The following TRIO variants were observed in gnomAD, a reference collection of about 807,000 sequenced individuals.
TRIO encodes trio Rho guanine nucleotide exchange factor, also known as triple functional domain protein.
In TRIO, 58 loss-of-function variants were observed where a neutral mutation model predicts 351.9. That is an observed-to-expected ratio of 0.16 (90% CI 0.13 to 0.21). The LOEUF (loss-of-function observed/expected upper bound fraction) is 0.21, where lower values mean the gene tolerates loss of function less well. Among genes scored for constraint, TRIO ranks in the 10% least tolerant of loss-of-function variants. The pLI is 1.00. For missense variants in TRIO, 3,201 were observed against 4,027.8 expected, an observed-to-expected ratio of 0.79 and a Z score of 5.56; for synonymous variants, 1,758 against 1,595.7, an observed-to-expected ratio of 1.10 and a Z score of -2.42.
At chr5:14,201,504 G>A (rs1248340727) in intron 1 of TRIO, among the ~76,000 whole-genome samples, 2 of 152,124 alleles carry the variant, frequency 1.3e-5, no homozygotes, top group East Asian at 1.9e-4. Flanking sequence ...ATATCCTGTG[G>A]TTTTAAGAGC....
intron 34 of TRIO, 184 bp downstream of exon 34, chr5:14,420,205 C>T: frequency 1.1e-6 from 1 of 871,332 alleles, no homozygotes; most frequent in African/African-American, 1.7e-5. Flanking sequence ...ATGAGGATTT[C>T]ACCCACGACT....
At chr5:14,277,283 G>T (rs1476717883) in intron 2 of TRIO, among the ~76,000 whole-genome samples, 1 of 152,174 alleles carries the variant, frequency 6.6e-6, no homozygotes, top group Admixed American at 6.5e-5. Flanking sequence ...GAGGATGCAG[G>T]TTTATGTGAA....
intron 9 of TRIO, among the ~76,000 whole-genome samples, chr5:14,319,194 A>T (rs1463138148): frequency 6.6e-6 from 1 of 152,240 alleles, no homozygotes; most frequent in Non-Finnish European, 1.5e-5. Context: ...TGCAATACAC[A>T]TAATGCATAT....
chr5:14,277,062 G>A (rs1735584737), intron 2 of TRIO, among the ~76,000 whole-genome samples: 1 of 152,164 alleles, frequency 6.6e-6, no homozygotes, highest in Non-Finnish European at 1.5e-5. Flanking sequence ...AATGTTGTGT[G>A]GAATATGGAA....
At chr5:14,293,824 A>T (rs1737114545) in intron 6 of TRIO, among the ~76,000 whole-genome samples, 2 of 152,186 alleles carry the variant, frequency 1.3e-5, no homozygotes, top group African/African-American at 4.8e-5. Flanking sequence ...TGTATGTTCT[A>T]TAGGACATTT....
At chr5:14,304,618 G>A (rs748211102) in intron 8 of TRIO, 26 bp downstream of exon 8, 2 of 1,596,420 alleles carry the variant, frequency 1.3e-6, no homozygotes, top group Non-Finnish European at 1.7e-6. Context: ...TACTTACATT[G>A]CAAAGCAGCA....
At chr5:14,472,525 G>C in intron 38 of TRIO, 67 bp from the exon 39 acceptor site, 17 of 1,561,130 alleles carry the variant, frequency 1.1e-5, no homozygotes, top group Non-Finnish European at 1.5e-5. Context: ...TCTTGACCAG[G>C]AGCAAAGGTA....
chr5:14,145,813 G>A (rs1425089639), intron 1 of TRIO, among the ~76,000 whole-genome samples: 2 of 152,136 alleles, frequency 1.3e-5, no homozygotes, highest in Non-Finnish European at 2.9e-5. Context: ...CTGCCTGTTG[G>A]CGTGGCTCTC....
chr5:14,374,367 G>C (rs1266865949), intron 19 of TRIO, 24 bp downstream of exon 19: 1 of 1,598,964 alleles, frequency 6.3e-7, no homozygotes, highest in Admixed American at 1.7e-5. Flanking sequence ...GGAGTCTCCA[G>C]GGGTGGCCCA....
At chr5:14,271,449 T>C (rs553813912) in intron 2 of TRIO, among the ~76,000 whole-genome samples, 25 of 152,320 alleles carry the variant, frequency 1.6e-4, no homozygotes, top group African/African-American at 5.8e-4. Context: ...ACCCAGTCTT[T>C]GAGGCCCTGG....
Position 14,507,944 on chromosome 5 carries a change from A to T in TRIO, c.8816A>T (p.Asp2939Val). The change falls in exon 57 of 57, where the codon GAT becomes GTT. Residue 2939 changes from aspartate to valine, a missense_variant. This residue lies in a region of TRIO where 233 missense variants were observed against 292.6 expected (regional missense o/e 0.80). Coordinates refer to ENST00000344204, the MANE Select transcript of TRIO (RefSeq NM_007118.4). ...ACCATCAAACTGGCTGACTTTGGAG[A>T]TGCTGTTCAGCTCAACACGACCTAC... The part of the protein sequence containing the change: ...KPTIKLADFG[D>V]AVQLNTTYYI... 6.2e-7 allele frequency: 1 copy of T among 1,614,156 alleles called. No individual in the cohort carries two copies. Among genetic ancestry groups the T allele is most frequent in the South Asian group, 1.1e-5 (1 of 91,086 alleles).
intron 1 of TRIO, among the ~76,000 whole-genome samples, chr5:14,263,848 C>G (rs1284388805): frequency 6.6e-6 from 1 of 152,180 alleles, no homozygotes; most frequent in African/African-American, 2.4e-5. Flanking sequence ...TTTACAGGGA[C>G]ATGCACAGAC....
At chr5:14,381,990 G>T (rs567794488) in intron 21 of TRIO, among the ~76,000 whole-genome samples, 64 of 152,228 alleles carry the variant, frequency 4.2e-4, no homozygotes, top group Non-Finnish European at 6.3e-4. Context: ...CAGTTTTGAG[G>T]CTCTTTTCAA....
chr5:14,329,976 G>A (rs1040594600), intron 9 of TRIO, among the ~76,000 whole-genome samples: 1 of 152,130 alleles, frequency 6.6e-6, no homozygotes, highest in African/African-American at 2.4e-5. Flanking sequence ...ACGGAGAGCC[G>A]ACTGTACTTA....
rs375855834 is a variant in TRIO at position 14,321,684 on chromosome 5, G to A, written c.1731+4941G>A. Among the ~76,000 whole-genome samples the A allele has an allele frequency of 4.6e-5, 7 of 152,282 alleles. No individual in the cohort carries two copies. The East Asian group carries it at 7.7e-4, about 17-fold the overall frequency. On this transcript the variant is annotated intron_variant, in intron 9 of 56. Transcript: ENST00000344204. Reference sequence around the variant, plus strand: ...AACCTGGTTAGGTTCCCTTGTGGACGCCTGATATGGTTTGGCTGTGACCCC... The same window carrying A: ...AACCTGGTTAGGTTCCCTTGTGGACACCTGATATGGTTTGGCTGTGACCCC...
At chr5:14,483,490 GA>G (rs1755683947) in intron 46 of TRIO, among the ~76,000 whole-genome samples, 1 of 152,204 alleles carries the variant, frequency 6.6e-6, no homozygotes, top group Non-Finnish European at 1.5e-5. Flanking sequence ...CAGGGACAGG[GA>G]ACTCTCAGAC....
intron 1 of TRIO, 79 bp downstream of exon 1, chr5:14,143,961 C>T: frequency 5.0e-6 from 5 of 990,792 alleles, no homozygotes; most frequent in Non-Finnish European, 6.0e-6. Context: ...TGCCGAGCTC[C>T]GGCCACCGCG....
At chr5:14,203,075 C>T (rs1791233601) in intron 1 of TRIO, among the ~76,000 whole-genome samples, 1 of 152,040 alleles carries the variant, frequency 6.6e-6, no homozygotes, top group Non-Finnish European at 1.5e-5. Flanking sequence ...ATACCTGATA[C>T]CTCAGGTTAT....
chr5:14,280,515 T>C, intron 3 of TRIO, 79 bp downstream of exon 3: 2 of 1,276,600 alleles, frequency 1.6e-6, no homozygotes, highest in Non-Finnish European at 2.3e-6. Context: ...AGAAATCAGC[T>C]AAATTGTAGC....
Sources: gnomAD v4.1 joint callset for allele counts (sites outside exome capture counted in the v4.1 genomes callset) on GRCh38, gnomAD v4.1.1 for gene constraint, gnomAD v4.1.1 regional missense constraint, MANE v1.5 for transcripts, NCBI Gene and HGNC (gene_info 2026-07-23, HGNC 2026-07-21) for gene names.